The following ADGRB3 variants were observed in gnomAD, a reference collection of about 807,000 sequenced individuals.
ADGRB3 encodes adhesion G protein-coupled receptor B3.
ADGRB3 carries 37 observed loss-of-function variants against 193.4 expected under a neutral mutation model. That is an observed-to-expected ratio of 0.19 (90% CI 0.15 to 0.25). The LOEUF is 0.25. ADGRB3 is among the 10% of genes least tolerant of loss of function. ADGRB3 has a pLI of 1.00. For synonymous variants in ADGRB3, 690 were observed against 644.2 expected, an observed-to-expected ratio of 1.07 and a Z score of -1.08; for missense variants, 1,637 against 1,852.9, an observed-to-expected ratio of 0.88 and a Z score of 2.14.
At position 69,209,106 on chromosome 6, in the gene ADGRB3, G is replaced by C. The variant is rs185738090; in HGVS notation, c.2481-24184G>C. On this transcript the variant is annotated intron_variant, in intron 17 of 31. Coordinates refer to ENST00000370598, the MANE Select transcript of ADGRB3 (RefSeq NM_001704.3). ...TCCCTATCTGCCACTGACATCTCAAGCACCATTGGATCTGCTGGCTCGTAT... is the reference window on the plus strand; with the variant it reads ...TCCCTATCTGCCACTGACATCTCAACCACCATTGGATCTGCTGGCTCGTAT... 7.1e-3 allele frequency among the ~76,000 whole-genome samples: 1,082 copies of C among 152,304 alleles called. 20 individuals carry two copies. Among genetic ancestry groups the C allele is most frequent in the African/African-American group, 0.025 (1,024 of 41,564 alleles).
chr6:69,242,603 G>C (rs149116290), intron 20 of ADGRB3, among the ~76,000 whole-genome samples: 1 of 151,972 alleles, frequency 6.6e-6, no homozygotes, highest in African/African-American at 2.4e-5. Flanking sequence ...TTTTTGAATT[G>C]AAATGTAAAC....
At chr6:69,056,146 A>G (rs532359883) in intron 15 of ADGRB3, among the ~76,000 whole-genome samples, 2 of 152,080 alleles carry the variant, frequency 1.3e-5, no homozygotes, top group African/African-American at 4.8e-5. Context: ...TTGTTTTTTA[A>G]TAATGGTTAT....
At chr6:68,881,301 T>C (rs1268024868) in intron 3 of ADGRB3, among the ~76,000 whole-genome samples, 1 of 152,124 alleles carries the variant, frequency 6.6e-6, no homozygotes, top group Non-Finnish European at 1.5e-5. Context: ...TGTTGCAGAG[T>C]GATCTCTCTC....
intron 3 of ADGRB3, among the ~76,000 whole-genome samples, chr6:68,651,646 T>C (rs897230106): frequency 1.3e-5 from 2 of 152,178 alleles, no homozygotes; most frequent in Non-Finnish European, 2.9e-5. Flanking sequence ...TGGTAGGATG[T>C]GAATTAATAC....
intron 21 of ADGRB3, among the ~76,000 whole-genome samples, chr6:69,326,722 T>G (rs1006635384): frequency 3.3e-5 from 5 of 152,008 alleles, no homozygotes; most frequent in Non-Finnish European, 7.4e-5. Flanking sequence ...GGAATTTTTT[T>G]TTCCTAATGA....
intron 17 of ADGRB3, among the ~76,000 whole-genome samples, chr6:69,168,897 G>A (rs535933876): frequency 2.6e-5 from 4 of 152,010 alleles, no homozygotes; most frequent in African/African-American, 9.6e-5. Flanking sequence ...TTAAATAAAA[G>A]TAAACATCTC....
At chr6:69,221,988 G>GA (rs1296682929) in intron 17 of ADGRB3, among the ~76,000 whole-genome samples, 15 of 151,840 alleles carry the variant, frequency 9.9e-5, no homozygotes, top group Non-Finnish European at 1.8e-4. Context: ...TTAACAGTAA[G>GA]AAAAAAAGAA....
Position 69,330,491 on chromosome 6 carries a change from T to C in ADGRB3, c.3036-15T>C. 1.3e-6 allele frequency: 2 copies of C among 1,599,216 alleles called. No individual in the cohort carries two copies. Among genetic ancestry groups the C allele is most frequent in the Non-Finnish European group, 8.5e-7 (1 of 1,171,582 alleles). On this transcript the variant is annotated splice_polypyrimidine_tract_variant and intron_variant, in intron 22 of 31. Coordinates refer to ENST00000370598, the MANE Select transcript of ADGRB3 (RefSeq NM_001704.3). ...TCACTAATTTTTGTTAGTTCTTATCTAATGTCATTTTCAGCTGCTGGCTCT... is the reference window on the plus strand; with the variant it reads ...TCACTAATTTTTGTTAGTTCTTATCCAATGTCATTTTCAGCTGCTGGCTCT...
At chr6:69,001,665 A>C (rs1335350980) in intron 11 of ADGRB3, among the ~76,000 whole-genome samples, 1 of 152,192 alleles carries the variant, frequency 6.6e-6, no homozygotes, top group Non-Finnish European at 1.5e-5. Flanking sequence ...TTTGGGGGAC[A>C]AAGAAAGAAA....
intron 26 of ADGRB3, among the ~76,000 whole-genome samples, chr6:69,348,493 CAA>C (rs5877205): frequency 3.0e-4 from 34 of 114,816 alleles, no homozygotes; most frequent in Non-Finnish European, 3.4e-4. Flanking sequence ...CTAAAAAATG[CAA>C]AAAAAAAAAA....
intron 17 of ADGRB3, among the ~76,000 whole-genome samples, chr6:69,138,399 TG>T (rs1774216062): frequency 6.6e-6 from 1 of 152,214 alleles, no homozygotes; most frequent in Non-Finnish European, 1.5e-5. Flanking sequence ...GACTCTGACA[TG>T]GTACCATCAT....
chr6:68,872,986 A>G (rs1245698010), intron 3 of ADGRB3, among the ~76,000 whole-genome samples: 1 of 152,148 alleles, frequency 6.6e-6, no homozygotes, highest in African/African-American at 2.4e-5. Flanking sequence ...AGAGAAATGT[A>G]TTGAATATTT....
chr6:69,382,692 G>T, intron 30 of ADGRB3, 139 bp from the exon 31 acceptor site: 1 of 502,600 alleles, frequency 2.0e-6, no homozygotes, highest in East Asian at 3.4e-5. Flanking sequence ...CAACTTATTT[G>T]CATTTGTGCA....
At chr6:69,228,215 C>G (rs1013087196) in intron 17 of ADGRB3, among the ~76,000 whole-genome samples, 3 of 152,142 alleles carry the variant, frequency 2.0e-5, no homozygotes, top group African/African-American at 7.2e-5. Context: ...CGAGATTGCA[C>G]CACTGCATTC....
intron 3 of ADGRB3, among the ~76,000 whole-genome samples, chr6:68,696,258 A>G (rs1765156359): frequency 1.3e-5 from 2 of 152,020 alleles, no homozygotes; most frequent in South Asian, 4.1e-4. Flanking sequence ...TCAAATGCTT[A>G]TTTTGGAAAT....
At chr6:69,015,076 A>G (rs1252520476) in intron 12 of ADGRB3, among the ~76,000 whole-genome samples, 1 of 151,928 alleles carries the variant, frequency 6.6e-6, no homozygotes, top group Non-Finnish European at 1.5e-5. Flanking sequence ...TTTGAGTTAC[A>G]TATTTGTCCT....
chr6:68,665,616 C>A (rs1449259081), intron 3 of ADGRB3, among the ~76,000 whole-genome samples: 1 of 151,754 alleles, frequency 6.6e-6, no homozygotes, highest in Non-Finnish European at 1.5e-5. Flanking sequence ...ATGATAGTTA[C>A]ACGATAATGT....
chr6:68,942,400 G>A (rs1767668168), intron 5 of ADGRB3, among the ~76,000 whole-genome samples: 1 of 152,120 alleles, frequency 6.6e-6, no homozygotes, highest in Non-Finnish European at 1.5e-5. Context: ...ATCTGTGGGT[G>A]TCATATCAAA....
chr6:69,346,721 G>A (rs911282736), intron 26 of ADGRB3, among the ~76,000 whole-genome samples: 43 of 152,224 alleles, frequency 2.8e-4, no homozygotes, highest in Non-Finnish European at 1.5e-5. Context: ...TGGAGAGGAT[G>A]TGGAGAAATA....
Sources: gnomAD v4.1 joint callset for allele counts (sites outside exome capture counted in the v4.1 genomes callset) on GRCh38, gnomAD v4.1.1 for gene constraint, MANE v1.5 for transcripts, NCBI Gene and HGNC (gene_info 2026-07-23, HGNC 2026-07-21) for gene names.